Variants in PLCB1 observed in about 807,000 individuals in gnomAD.
PLCB1 encodes 1-phosphatidylinositol 4,5-bisphosphate phosphodiesterase beta-1.
In PLCB1, 46 loss-of-function variants were observed where a neutral mutation model predicts 161.8. The observed-to-expected ratio is 0.28, with a 90% confidence interval of 0.22 to 0.36. The LOEUF is 0.36. Ranked by LOEUF, PLCB1 falls within the 10% of genes least tolerant of loss-of-function variation. The probability of loss-of-function intolerance (pLI) is 1.00; values close to 1 mark genes in which losing one functional copy is unlikely to be tolerated. For synonymous variants in PLCB1, 517 were observed against 503.7 expected, an observed-to-expected ratio of 1.03 and a Z score of -0.35; for missense variants, 1,016 against 1,472.5, an observed-to-expected ratio of 0.69 and a Z score of 5.07.
intron 2 of PLCB1, among the ~76,000 whole-genome samples, chr20:8,284,901 G>A (rs531076231): frequency 2.2e-4 from 33 of 152,092 alleles, no homozygotes; most frequent in African/African-American, 8.0e-4. Context: ...TTTGTCTTTT[G>A]TGCCTCTTCA....
chr20:8,861,645 G>T (rs368405012), intron 31 of PLCB1, among the ~76,000 whole-genome samples: 2 of 149,622 alleles, frequency 1.3e-5, no homozygotes, highest in Admixed American at 1.3e-4. Flanking sequence ...CAGGAGAATC[G>T]CTTGAACCCG....
At chr20:8,153,257 G>A (rs950539266) in intron 2 of PLCB1, among the ~76,000 whole-genome samples, 10 of 152,022 alleles carry the variant, frequency 6.6e-5, no homozygotes, top group African/African-American at 2.2e-4. Flanking sequence ...TACCAGCTCT[G>A]GACTTATTTT....
intron 3 of PLCB1, among the ~76,000 whole-genome samples, chr20:8,380,264 C>A (rs931448380): frequency 6.6e-6 from 1 of 152,076 alleles, no homozygotes. Context: ...TGTTGAAGAT[C>A]AGATGGTTGT....
intron 2 of PLCB1, among the ~76,000 whole-genome samples, chr20:8,315,118 G>A (rs1272907726): frequency 6.6e-6 from 1 of 152,152 alleles, no homozygotes; most frequent in African/African-American, 2.4e-5. Context: ...TAGGAGAACA[G>A]ACTGGAACTC....
chr20:8,648,768 T>G (rs1989233360), intron 6 of PLCB1, among the ~76,000 whole-genome samples: 1 of 152,002 alleles, frequency 6.6e-6, no homozygotes, highest in Non-Finnish European at 1.5e-5. Flanking sequence ...AGTGAGACTC[T>G]ATCTTTGCAA....
chr20:8,244,144 T>C (rs185180734), intron 2 of PLCB1, among the ~76,000 whole-genome samples: 1 of 152,078 alleles, frequency 6.6e-6, no homozygotes, highest in Non-Finnish European at 1.5e-5. Context: ...ACGAGAACTC[T>C]AGTGCATTGC....
intron 27 of PLCB1, among the ~76,000 whole-genome samples, chr20:8,783,686 C>A (rs927513438): frequency 6.6e-6 from 1 of 152,130 alleles, no homozygotes; most frequent in East Asian, 1.9e-4. Context: ...AAACTCTGCC[C>A]CTGCTTTTCT....
intron 2 of PLCB1, among the ~76,000 whole-genome samples, chr20:8,204,266 G>T (rs1458474536): frequency 6.6e-6 from 1 of 152,090 alleles, no homozygotes; most frequent in East Asian, 1.9e-4. Flanking sequence ...ATTGGAGTTG[G>T]AGGATTAGGG....
At chr20:8,503,406 C>T (rs905868934) in intron 3 of PLCB1, among the ~76,000 whole-genome samples, 7 of 152,166 alleles carry the variant, frequency 4.6e-5, no homozygotes, top group South Asian at 2.1e-4. Context: ...TATTCAATAC[C>T]GTCTTCTCTT....
At chr20:8,476,436 G>A (rs1027233651) in intron 3 of PLCB1, among the ~76,000 whole-genome samples, 65 of 150,170 alleles carry the variant, frequency 4.3e-4, no homozygotes, top group Non-Finnish European at 4.9e-4. Flanking sequence ...ATTTTACCTC[G>A]CTAAAACAAA....
At chr20:8,830,239 A>G (rs1985917413) in intron 31 of PLCB1, among the ~76,000 whole-genome samples, 1 of 152,228 alleles carries the variant, frequency 6.6e-6, no homozygotes, top group African/African-American at 2.4e-5. Context: ...ACAGTGCAGG[A>G]TCAGAAAGAA....
At chr20:8,678,123 A>G (rs1455672524) in intron 9 of PLCB1, among the ~76,000 whole-genome samples, 1 of 152,206 alleles carries the variant, frequency 6.6e-6, no homozygotes, top group East Asian at 1.9e-4. Context: ...AGATATATGC[A>G]AAAAATTAAG....
intron 3 of PLCB1, among the ~76,000 whole-genome samples, chr20:8,410,770 A>T (rs148249204): frequency 7.9e-5 from 12 of 152,306 alleles, no homozygotes; most frequent in Admixed American, 2.0e-4. Context: ...ATAATTAAGT[A>T]TCTTGAGAGG....
intron 4 of PLCB1, among the ~76,000 whole-genome samples, chr20:8,639,897 A>G (rs1268196222): frequency 1.3e-5 from 2 of 152,116 alleles, no homozygotes; most frequent in African/African-American, 4.8e-5. Context: ...AGACAAGAAA[A>G]AAAAAAAAAA....
intron 2 of PLCB1, among the ~76,000 whole-genome samples, chr20:8,197,707 T>TG (rs1311524448): frequency 6.6e-6 from 1 of 152,200 alleles, no homozygotes; most frequent in Non-Finnish European, 1.5e-5. Flanking sequence ...CCATTGCTTT[T>TG]GGTGTTTTAG....
intron 2 of PLCB1, among the ~76,000 whole-genome samples, chr20:8,253,688 A>G (rs1981267980): frequency 6.6e-6 from 1 of 151,900 alleles, no homozygotes; most frequent in Admixed American, 6.6e-5. Context: ...AATATTGCCT[A>G]ATGATGAGGT....
At chr20:8,367,137 C>G (rs1217239963) in intron 2 of PLCB1, among the ~76,000 whole-genome samples, 1 of 152,170 alleles carries the variant, frequency 6.6e-6, no homozygotes, top group Non-Finnish European at 1.5e-5. Flanking sequence ...ACTCTCACCA[C>G]TAGGCACACT....
chr20:8,148,314 T>C (rs2051475244), intron 1 of PLCB1, among the ~76,000 whole-genome samples: 1 of 149,972 alleles, frequency 6.7e-6, no homozygotes, highest in South Asian at 2.1e-4. Context: ...CTAAACTATT[T>C]TAAAAATTAG....
intron 3 of PLCB1, among the ~76,000 whole-genome samples, chr20:8,418,468 T>C (rs1979394750): frequency 6.6e-6 from 1 of 152,188 alleles, no homozygotes; most frequent in Non-Finnish European, 1.5e-5. Context: ...TATACAATTA[T>C]ACATAAATTT....
Sources: gnomAD v4.1 joint callset for allele counts (sites outside exome capture counted in the v4.1 genomes callset) on GRCh38, gnomAD v4.1.1 for gene constraint, MANE v1.5 for transcripts, NCBI Gene and HGNC (gene_info 2026-07-23, HGNC 2026-07-21) for gene names.